AK7: variants seen among roughly 807,000 people sequenced by gnomAD.
AK7 encodes the protein adenylate kinase 7.
Under a neutral mutation model 96.6 loss-of-function variants are expected in AK7, and 78 were observed. The observed-to-expected ratio is 0.81, with a 90% confidence interval of 0.67 to 0.97. AK7 has a LOEUF of 0.97. Ranked by LOEUF, AK7 falls within the 50% of genes least tolerant of loss-of-function variation. The pLI, the probability that AK7 is intolerant of heterozygous loss-of-function variation, is 0.00. For synonymous variants in AK7, 302 were observed against 317.2 expected, an observed-to-expected ratio of 0.95 and a Z score of 0.51; for missense variants, 855 against 887.9, an observed-to-expected ratio of 0.96 and a Z score of 0.47.
At chr14:96,427,715 T>C (rs1311333095) in intron 5 of AK7, among the ~76,000 whole-genome samples, 2 of 152,204 alleles carry the variant, frequency 1.3e-5, no homozygotes, top group Admixed American at 6.5e-5. Flanking sequence ...TCTACACCTA[T>C]CTCTTACTCG....
intron 8 of AK7, among the ~76,000 whole-genome samples, chr14:96,448,388 C>T (rs1214871615): frequency 1.3e-5 from 2 of 151,868 alleles, no homozygotes; most frequent in Non-Finnish European, 2.9e-5. Context: ...GATTCCAGCA[C>T]TTTAAGTTCA....
chr14:96,454,529 G>A (rs1893783421), intron 10 of AK7, among the ~76,000 whole-genome samples: 1 of 151,810 alleles, frequency 6.6e-6, no homozygotes, highest in Non-Finnish European at 1.5e-5. Flanking sequence ...CCAGGTTGGA[G>A]TGCAGTGGTA....
intron 5 of AK7, among the ~76,000 whole-genome samples, chr14:96,432,202 CTTTT>C (rs71103525): frequency 6.6e-4 from 67 of 101,180 alleles, no homozygotes; most frequent in African/African-American, 1.9e-3. Context: ...GCAACCCCTG[CTTTT>C]TTTTTTTTTT....
At chr14:96,408,621 A>C (rs2275555) in intron 3 of AK7, among the ~76,000 whole-genome samples, 23,249 of 152,246 alleles carry the variant, frequency 0.15, 2,456 homozygotes, top group East Asian at 0.48. Flanking sequence ...CACTGATGAG[A>C]CTGAAATGCT....
chr14:96,433,753 C>T, intron 5 of AK7, among the ~76,000 whole-genome samples: 1 of 152,114 alleles, frequency 6.6e-6, no homozygotes, highest in East Asian at 1.9e-4. Flanking sequence ...AGAAGAGGTG[C>T]TCTGTTTTTT....
At chr14:96,488,013 AG>A in intron 17 of AK7, 1 of 411,276 alleles carries the variant, frequency 2.4e-6, no homozygotes, top group South Asian at 2.0e-5. Context: ...CCCGGGTTCA[AG>A]TGATTCTCCT....
rs2140093729 is a variant in AK7 at position 96,442,653 on chromosome 14, A to T, written c.691-77A>T. The T allele has an allele frequency of 9.8e-6, 11 of 1,126,014 alleles. No homozygotes were observed. In the South Asian group the frequency reaches 1.4e-4, roughly 14 times the overall value. The allele number at this position is 1,126,014 out of a possible 1,614,324, so 69.8% of individuals were successfully genotyped here. On this transcript the variant is annotated intron_variant, in intron 6 of 17. Transcript: ENST00000267584. ...TAGCTAGGCCTTTCAGTTGCCTCTG[A>T]CTGTAGACTTATGTGTGAGCTGTAA...
At chr14:96,468,296 CTTTTTTTTTTTTT>C (rs67009492) in intron 12 of AK7, among the ~76,000 whole-genome samples, 1 of 98,552 alleles carries the variant, frequency 1.0e-5, no homozygotes, top group Non-Finnish European at 2.0e-5. Flanking sequence ...GCACTCTTTC[CTTTTTTTTTTTTT>C]TTTTTTTTTT....
intron 7 of AK7, among the ~76,000 whole-genome samples, chr14:96,445,167 A>G (rs1350578377): frequency 6.6e-6 from 1 of 152,144 alleles, no homozygotes; most frequent in Non-Finnish European, 1.5e-5. Context: ...TCACTGACAC[A>G]CTTGTTCTAT....
At chr14:96,427,247 A>G (rs2140057817) in intron 5 of AK7, among the ~76,000 whole-genome samples, 1 of 152,336 alleles carries the variant, frequency 6.6e-6, no homozygotes, top group Admixed American at 6.5e-5. Context: ...CTCCGTCTCA[A>G]AAACAAACAA....
At chr14:96,425,907 G>A (rs1045215784) in intron 5 of AK7, among the ~76,000 whole-genome samples, 8 of 152,238 alleles carry the variant, frequency 5.3e-5, no homozygotes, top group Admixed American at 3.3e-4. Flanking sequence ...TGTCTTTACA[G>A]GTAGAGTGTG....
At position 96,392,188 on chromosome 14, in the gene AK7, GAGA is replaced by G. The variant is rs1470811787; in HGVS notation, c.37_39del (p.Lys13del). 2 of 1,613,740 alleles carry G rather than the reference GAGA, an allele frequency of 1.2e-6. No individual in the cohort carries two copies. The highest frequency in any genetic ancestry group is 4.5e-5 in the East Asian group (2 of 44,862). Reference sequence around the variant, plus strand: ...AGAAGAGGAAACTGCTGCTCTCACGGAGAAGGTTATCCGGACCCAGAGGGTGTT... The same window carrying G: ...AGAAGAGGAAACTGCTGCTCTCACGGAGGTTATCCGGACCCAGAGGGTGTT... On this transcript the variant is annotated inframe_deletion, in exon 1 of 18. Coordinates refer to ENST00000267584, the MANE Select transcript of AK7 (RefSeq NM_152327.5).
chr14:96,430,271 C>T lies in AK7; in HGVS notation c.610-7564C>T, dbSNP rs1389307035. 7.3e-5 allele frequency among the ~76,000 whole-genome samples: 11 copies of T among 151,228 alleles called. No homozygotes were observed. In the East Asian group the frequency reaches 7.8e-4, roughly 11 times the overall value. On this transcript the variant is annotated intron_variant, in intron 5 of 17. Transcript: ENST00000267584. ...TGCTATCTCGGCTCACTGCAAGCTC[C>T]GCCTCCTGGGTTCATGCCATTCTCC...
intron 2 of AK7, chr14:96,399,000 A>G (rs1890249139): frequency 6.6e-6 from 1 of 151,360 alleles, no homozygotes; most frequent in South Asian, 2.1e-4. Flanking sequence ...TCATCCTTCA[A>G]GAGTTGTGTC....
chr14:96,452,964 G>A (rs1465141922), intron 10 of AK7, among the ~76,000 whole-genome samples: 2 of 152,218 alleles, frequency 1.3e-5, no homozygotes, highest in East Asian at 3.8e-4. Flanking sequence ...ACAAAAGTAG[G>A]TCATACATGA....
chr14:96,424,775 C>T (rs142390227), intron 5 of AK7, among the ~76,000 whole-genome samples: 8 of 152,230 alleles, frequency 5.3e-5, no homozygotes, highest in Non-Finnish European at 1.0e-4. Flanking sequence ...AATAAGTAAA[C>T]GGGCTAGATT....
At chr14:96,457,690 A>T (rs541643682) in intron 11 of AK7, among the ~76,000 whole-genome samples, 1 of 152,280 alleles carries the variant, frequency 6.6e-6, no homozygotes, top group South Asian at 2.1e-4. Flanking sequence ...AACTTTATTT[A>T]TAAACTGCTT....
chr14:96,395,418 A>AG (rs1159557822), intron 1 of AK7, among the ~76,000 whole-genome samples: 1 of 152,058 alleles, frequency 6.6e-6, no homozygotes, highest in Non-Finnish European at 1.5e-5. Flanking sequence ...GATGAAGAAG[A>AG]GGGGCTGGTC....
At chr14:96,424,026 G>T (rs1462467415) in intron 5 of AK7, 2 of 761,934 alleles carry the variant, frequency 2.6e-6, no homozygotes, top group Non-Finnish European at 4.8e-6. Context: ...AGACCCAGGT[G>T]TAGAGTTTCC....
Sources: gnomAD v4.1 joint callset for allele counts (sites outside exome capture counted in the v4.1 genomes callset) on GRCh38, gnomAD v4.1.1 for gene constraint, MANE v1.5 for transcripts, NCBI Gene and HGNC (gene_info 2026-07-23, HGNC 2026-07-21) for gene names.